The following WDR64 variants were observed in gnomAD, a reference collection of about 807,000 sequenced individuals.
WDR64 encodes WD repeat-containing protein 64.
WDR64 carries 112 observed loss-of-function variants against 139.3 expected under a neutral mutation model. That is an observed-to-expected ratio of 0.80 (90% CI 0.69 to 0.94). The LOEUF (loss-of-function observed/expected upper bound fraction) is 0.94, where lower values mean the gene tolerates loss of function less well. Among genes scored for constraint, WDR64 ranks in the 40% least tolerant of loss-of-function variants. WDR64 has a pLI of 0.00. For synonymous variants in WDR64, 444 were observed against 437.7 expected (o/e 1.01, Z -0.18); for missense variants, 1,206 against 1,293.1 (o/e 0.93, Z 1.03).
At chr1:241,770,388 G>T (rs1658383101) in intron 17 of WDR64, 2 of 396,506 alleles carry the variant, frequency 5.0e-6, no homozygotes, top group South Asian at 6.6e-5. Flanking sequence ...TTTATTTTCT[G>T]ACAAAGGGAG....
chr1:241,677,351 G>A, intron 4 of WDR64: 1 of 398,466 alleles, frequency 2.5e-6, no homozygotes, highest in Non-Finnish European at 4.4e-6. Context: ...TCAGTCCCGG[G>A]TTAGAAAAGC....
At position 241,687,062 on chromosome 1, in the gene WDR64, T is replaced by A. The variant is rs567202590; in HGVS notation, c.840-399T>A. The stretch of plus-strand genomic sequence containing the variant: ...GCTCATGCCTGTAACCCCAGTACTT[T>A]GGGAGGCCGAGGCAGGCAGATCACC... On this transcript the variant is annotated intron_variant, in intron 7 of 27. Coordinates refer to ENST00000437684, the MANE Select transcript of WDR64 (RefSeq NM_001367482.1). 7.2e-4 allele frequency among the ~76,000 whole-genome samples: 110 copies of A among 152,258 alleles called. 1 individual carries two copies. Among genetic ancestry groups the A allele is most frequent in the Admixed American group, 2.0e-3 (30 of 15,284 alleles).
At chr1:241,670,575 T>C (rs1253750741) in intron 2 of WDR64, among the ~76,000 whole-genome samples, 1 of 152,198 alleles carries the variant, frequency 6.6e-6, no homozygotes, top group Non-Finnish European at 1.5e-5. Flanking sequence ...AGTATACAGT[T>C]TGTTGAATAT....
intron 9 of WDR64, among the ~76,000 whole-genome samples, chr1:241,716,686 GATA>G (rs1245222447): frequency 6.6e-6 from 1 of 151,992 alleles, no homozygotes; most frequent in Non-Finnish European, 1.5e-5. Flanking sequence ...TGGCGATGGT[GATA>G]ATAATACAGA....
Position 241,723,393 on chromosome 1 carries a change from C to A in WDR64, c.1151C>A (p.Thr384Asn). The A allele has an allele frequency of 6.2e-7, 1 of 1,613,762 alleles. No homozygotes were observed. The highest frequency in any genetic ancestry group is 8.5e-7 in the Non-Finnish European group (1 of 1,179,814). The change falls in exon 10 of 28, where the codon ACC (threonine) becomes AAC (asparagine). Residue 384 changes from threonine (T) to asparagine (N), a missense_variant. Transcript: ENST00000437684. Reference protein sequence around the residue: ...GHMFSIAEIVTNEKDQHVVSL... With the variant: ...GHMFSIAEIVNNEKDQHVVSL... ...ATGTTCAGTATCGCCGAGATCGTAA[C>A]CAATGAAAAAGATCAACATGTCGTC...
At chr1:241,686,446 G>C (rs1667007626) in intron 7 of WDR64, among the ~76,000 whole-genome samples, 2 of 152,158 alleles carry the variant, frequency 1.3e-5, no homozygotes, top group Admixed American at 1.3e-4. Context: ...TTCATGCCTT[G>C]AGCTGTAAAC....
intron 14 of WDR64, among the ~76,000 whole-genome samples, chr1:241,756,721 T>C (rs1323169196): frequency 6.6e-6 from 1 of 152,172 alleles, no homozygotes; most frequent in Non-Finnish European, 1.5e-5. Flanking sequence ...GTTGAAGATA[T>C]GCATATCTTA....
chr1:241,784,342 TG>T (rs1208491350), intron 23 of WDR64, among the ~76,000 whole-genome samples: 1 of 152,028 alleles, frequency 6.6e-6, no homozygotes, highest in African/African-American at 2.4e-5. Flanking sequence ...AAGTCCAGGG[TG>T]AATGTAGTGG....
intron 24 of WDR64, among the ~76,000 whole-genome samples, chr1:241,789,151 C>T (rs1350330240): frequency 6.6e-6 from 1 of 151,910 alleles, no homozygotes; most frequent in Admixed American, 6.6e-5. Flanking sequence ...GCAGAGGGAG[C>T]AGATGTGAAT....
At chr1:241,741,770 G>T in intron 12 of WDR64, 106 bp downstream of exon 12, 1 of 1,159,640 alleles carries the variant, frequency 8.6e-7, no homozygotes, top group East Asian at 2.7e-5. Flanking sequence ...CGGCACATAC[G>T]ATGAGACCAT....
chr1:241,716,271 G>A (rs142004775), intron 9 of WDR64, among the ~76,000 whole-genome samples: 77 of 120,102 alleles, frequency 6.4e-4, no homozygotes, highest in East Asian at 1.3e-3. Flanking sequence ...CTTCAAAAAA[G>A]CACAAGCTTT....
intron 8 of WDR64, among the ~76,000 whole-genome samples, chr1:241,696,113 CAA>C (rs541301982): frequency 3.9e-3 from 87 of 22,308 alleles, no homozygotes; most frequent in African/African-American, 0.012. Context: ...GACCCAGTAT[CAA>C]AAAAAAAAAA....
intron 24 of WDR64, among the ~76,000 whole-genome samples, 177 bp from the exon 25 acceptor site, chr1:241,790,414 G>A (rs1182405666): frequency 6.6e-6 from 1 of 152,106 alleles, no homozygotes; most frequent in African/African-American, 2.4e-5. Context: ...GGTTTCTATA[G>A]AGGAATATTT....
At chr1:241,769,918 C>T (rs1309205407) in intron 17 of WDR64, among the ~76,000 whole-genome samples, 2 of 152,216 alleles carry the variant, frequency 1.3e-5, no homozygotes, top group East Asian at 3.8e-4. Context: ...CCACCATCCA[C>T]TATAACTGAG....
At position 241,766,291 on chromosome 1, in the gene WDR64, C is replaced by G. The variant is rs747590089; in HGVS notation, c.2021C>G (p.Ala674Gly). Reference protein sequence around the residue: ...LQVEGYNLIAAGTLNGVIILW... With the variant: ...LQVEGYNLIAGGTLNGVIILW... ...GTAGAAGGATATAATTTGATAGCAG[C>G]TGGAACCTTAAATGGTGTGATCATC... is the stretch of plus-strand genomic sequence containing the variant. Residue 674 changes from alanine (A) to glycine (G), a missense_variant, in exon 16 of 28, where the codon GCT (alanine) becomes GGT (glycine). Physicochemically the swap from Ala to Gly is moderately conservative, Grantham distance 60. Transcript: ENST00000437684. 359 of 1,614,006 alleles carry G rather than the reference C, an allele frequency of 2.2e-4. No individual in the cohort carries two copies. Among genetic ancestry groups the G allele is most frequent in the Non-Finnish European group, 2.9e-4 (346 of 1,180,030 alleles).
chr1:241,751,599 A>G (rs1669984109), intron 14 of WDR64, among the ~76,000 whole-genome samples: 1 of 152,214 alleles, frequency 6.6e-6, no homozygotes, highest in Admixed American at 6.5e-5. Flanking sequence ...CCAAAGTATC[A>G]TGTACTTTTA....
chr1:241,714,066 A>G (rs1336235231), intron 9 of WDR64, among the ~76,000 whole-genome samples: 1 of 152,190 alleles, frequency 6.6e-6, no homozygotes, highest in Admixed American at 6.5e-5. Context: ...GGTGACAGGA[A>G]AAGATCTGGT....
chr1:241,764,873 A>G (rs2148289871), intron 15 of WDR64, among the ~76,000 whole-genome samples: 1 of 152,298 alleles, frequency 6.6e-6, no homozygotes, highest in East Asian at 1.9e-4. Context: ...GAACTGAAAA[A>G]TAGCGCTAAC....
At chr1:241,689,651 G>A (rs1667139000) in intron 8 of WDR64, among the ~76,000 whole-genome samples, 1 of 152,174 alleles carries the variant, frequency 6.6e-6, no homozygotes, top group Admixed American at 6.5e-5. Flanking sequence ...GACATGGCAA[G>A]GAGGTTGGAA....
Sources: gnomAD v4.1 joint callset for allele counts (sites outside exome capture counted in the v4.1 genomes callset) on GRCh38, gnomAD v4.1.1 for gene constraint, MANE v1.5 for transcripts, NCBI Gene and HGNC (gene_info 2026-07-23, HGNC 2026-07-21) for gene names.